NDFIP2: variants seen among roughly 807,000 people sequenced by gnomAD.
NDFIP2 encodes the protein NEDD4 family-interacting protein 2.
Under a neutral mutation model 36.0 loss-of-function variants are expected in NDFIP2, and 19 were observed. The observed-to-expected ratio is 0.53, with a 90% CI of 0.37 to 0.77. The LOEUF (loss-of-function observed/expected upper bound fraction) is 0.77. NDFIP2 is among the 30% of genes least tolerant of loss of function. NDFIP2 has a pLI of 0.00. For synonymous variants in NDFIP2, 181 were observed against 167.7 expected (o/e 1.08, Z -0.61); for missense variants, 446 against 435.8 (o/e 1.02, Z -0.21).
At chr13:79,493,714 G>A (rs187328680) in intron 1 of NDFIP2, among the ~76,000 whole-genome samples, 55 of 152,202 alleles carry the variant, frequency 3.6e-4, no homozygotes, top group Non-Finnish European at 6.2e-4. Flanking sequence ...CTTTATGATA[G>A]CTAAGTTTCT....
intron 1 of NDFIP2, among the ~76,000 whole-genome samples, chr13:79,497,677 T>C (rs112598526): frequency 0.071 from 10,393 of 147,102 alleles, 1,067 homozygotes; most frequent in African/African-American, 0.23. Flanking sequence ...TTTTTTTTTT[T>C]CTATTCCTTG....
intron 1 of NDFIP2, among the ~76,000 whole-genome samples, chr13:79,512,483 A>G (rs938027019): frequency 5.9e-5 from 9 of 151,774 alleles, no homozygotes; most frequent in African/African-American, 1.9e-4. Flanking sequence ...CAAAACTGGT[A>G]AGTGAGAAAA....
chr13:79,492,259 T>C (rs1873252843), intron 1 of NDFIP2, among the ~76,000 whole-genome samples: 1 of 151,766 alleles, frequency 6.6e-6, no homozygotes, highest in Non-Finnish European at 1.5e-5. Context: ...CACCTTTTTT[T>C]TTTTTTTTTT....
At chr13:79,515,713 G>T (rs1460570137) in intron 1 of NDFIP2, among the ~76,000 whole-genome samples, 1 of 152,182 alleles carries the variant, frequency 6.6e-6, no homozygotes, top group African/African-American at 2.4e-5. Context: ...TGAGCTGTAG[G>T]TTTAGAACAC....
At chr13:79,502,494 C>A (rs554115176) in intron 1 of NDFIP2, among the ~76,000 whole-genome samples, 1 of 152,062 alleles carries the variant, frequency 6.6e-6, no homozygotes, top group Non-Finnish European at 1.5e-5. Context: ...AGATAAGACT[C>A]TTTAAAGTTG....
intron 6 of NDFIP2, among the ~76,000 whole-genome samples, chr13:79,548,960 C>T (rs1875795706): frequency 6.6e-6 from 1 of 151,694 alleles, no homozygotes; most frequent in South Asian, 2.1e-4. Context: ...TGTTTTTTAC[C>T]TTCAATGTGA....
chr13:79,501,665 C>G (rs1012827153), intron 1 of NDFIP2, among the ~76,000 whole-genome samples: 7 of 152,198 alleles, frequency 4.6e-5, no homozygotes, highest in African/African-American at 1.4e-4. Flanking sequence ...GCATATAACA[C>G]TTTGATGGAT....
intron 2 of NDFIP2, among the ~76,000 whole-genome samples, chr13:79,525,668 A>G (rs950768438): frequency 1.3e-5 from 2 of 152,314 alleles, no homozygotes; most frequent in Non-Finnish European, 1.5e-5. Context: ...CAAAGGGATG[A>G]TTCACATCCT....
At position 79,511,274 on chromosome 13, in the gene NDFIP2, C is replaced by T. The variant is rs576595689; in HGVS notation, c.322-9536C>T. ...TAGCAATCTCAAATTATGTCAAAGA[C>T]GTATAATTTGGGGTACAGTATTTTG... is the stretch of plus-strand genomic sequence containing the variant. On this transcript the variant is annotated intron_variant, in intron 1 of 7. Coordinates refer to ENST00000218652, the MANE Select transcript of NDFIP2 (RefSeq NM_019080.3). 3.3e-5 allele frequency among the ~76,000 whole-genome samples: 5 copies of T among 152,210 alleles called. No homozygotes were observed. The South Asian group carries it at 6.2e-4, about 19-fold the overall frequency.
chr13:79,509,353 G>C (rs1031957461), intron 1 of NDFIP2, among the ~76,000 whole-genome samples: 1 of 152,116 alleles, frequency 6.6e-6, no homozygotes, highest in Non-Finnish European at 1.5e-5. Flanking sequence ...GCAATTGGTT[G>C]AGTTATTATC....
rs1377566179 is a variant in NDFIP2, at chr13:79,481,182, T to C, written c.-22T>C. 3.3e-6 allele frequency: 5 copies of C among 1,493,112 alleles called. No individual in the cohort carries two copies. Among genetic ancestry groups the C allele is most frequent in the Non-Finnish European group, 4.4e-6 (5 of 1,129,176 alleles). The allele number at this position is 1,493,112 out of a possible 1,614,324, so 92.5% of individuals were successfully genotyped here. On this transcript the variant is annotated 5_prime_UTR_variant, in exon 1 of 8. Coordinates refer to ENST00000218652, the MANE Select transcript of NDFIP2 (RefSeq NM_019080.3). ...TTTTCCATCTCCTCCCACCCAGCTA[T>C]ACCCTCCCACTGGCGGCGCGGATGG... is the stretch of plus-strand genomic sequence containing the variant.
At chr13:79,509,616 A>G (rs1873997159) in intron 1 of NDFIP2, among the ~76,000 whole-genome samples, 2 of 152,000 alleles carry the variant, frequency 1.3e-5, no homozygotes, top group South Asian at 2.1e-4. Flanking sequence ...GCCCTTGGCC[A>G]AGGGGAGGAG....
intron 6 of NDFIP2, among the ~76,000 whole-genome samples, chr13:79,550,237 A>AT: frequency 6.6e-6 from 1 of 151,736 alleles, no homozygotes. Flanking sequence ...CTTATCTAAT[A>AT]TTTTTTATGT....
rs113679155 is a variant in NDFIP2 at position 79,520,771 on chromosome 13, G to A, written c.322-39G>A. 28 of 1,531,832 alleles carry A rather than the reference G, an allele frequency of 1.8e-5. 2 individuals carry two copies. In the African/African-American group the frequency reaches 2.1e-4, roughly 11 times the overall value. The allele number at this position is 1,531,832 out of a possible 1,614,324, so 94.9% of individuals were successfully genotyped here. ...CAGCTTAAAATTTAAAAAATAATTA[G>A]CATTACATTAATGTTTTGTTTTTCT... is the stretch of plus-strand genomic sequence containing the variant. On this transcript the variant is annotated intron_variant, in intron 1 of 7. Transcript: ENST00000218652.
At chr13:79,546,469 T>C (rs1313745680) in intron 5 of NDFIP2, among the ~76,000 whole-genome samples, 1 of 152,240 alleles carries the variant, frequency 6.6e-6, no homozygotes, top group Non-Finnish European at 1.5e-5. Context: ...GAATTCATAA[T>C]GTTCATTAAT....
At chr13:79,502,351 C>CT (rs1265020886) in intron 1 of NDFIP2, among the ~76,000 whole-genome samples, 2 of 151,540 alleles carry the variant, frequency 1.3e-5, no homozygotes, top group African/African-American at 4.9e-5. Context: ...AACAGTAACT[C>CT]TAACAATATT....
Position 79,551,086 on chromosome 13 carries a change from C to A in NDFIP2, c.977C>A (p.Ala326Asp). 1 of 1,603,174 alleles carries A rather than the reference C, an allele frequency of 6.2e-7. No homozygotes were observed. Reference protein sequence around the residue: ...KVRNMSESMAAAHRTRYFFLL With the variant: ...KVRNMSESMADAHRTRYFFLL ...AGAAACATGTCTGAAAGTATGGCAG[C>A]TGCTCATAGAACAAGGTATTTCTTC... The change falls in exon 7 of 8, where the codon GCT becomes GAT. Residue 326 changes from alanine (A) to aspartate (D), a missense_variant. By Grantham distance (126) the Ala-to-Asp change is moderately radical. Around this residue, in one of 2 missense-constraint regions of NDFIP2, gnomAD observed 77 missense variants for 131.0 expected, o/e 0.59. Transcript: ENST00000218652.
intron 1 of NDFIP2, among the ~76,000 whole-genome samples, chr13:79,515,495 G>A (rs368462019): frequency 1.3e-5 from 2 of 152,064 alleles, no homozygotes; most frequent in African/African-American, 4.8e-5. Context: ...TTTTTGCTTT[G>A]TCATATGCTA....
At chr13:79,528,694 G>T (rs1262130529) in intron 2 of NDFIP2, among the ~76,000 whole-genome samples, 1 of 152,110 alleles carries the variant, frequency 6.6e-6, no homozygotes, top group Non-Finnish European at 1.5e-5. Context: ...ATATAACACA[G>T]ATACTTAACA....
Sources: gnomAD v4.1 joint callset for allele counts (sites outside exome capture counted in the v4.1 genomes callset) on GRCh38, gnomAD v4.1.1 for gene constraint, gnomAD v4.1.1 regional missense constraint, MANE v1.5 for transcripts, NCBI Gene and HGNC (gene_info 2026-07-23, HGNC 2026-07-21) for gene names.